The following SUGCT variants were observed in gnomAD, a reference collection of about 807,000 sequenced individuals.
SUGCT encodes the protein succinyl-CoA:glutarate CoA-transferase.
In SUGCT, 41 loss-of-function variants were observed where a neutral mutation model predicts 55.0. The observed-to-expected ratio is 0.74, with a 90% CI of 0.58 to 0.97. The LOEUF (loss-of-function observed/expected upper bound fraction) is 0.97. Among genes scored for constraint, SUGCT ranks in the 50% least tolerant of loss-of-function variants. The probability of loss-of-function intolerance (pLI) is 0.00; values close to 1 mark genes in which losing one functional copy is unlikely to be tolerated. For synonymous variants in SUGCT, 187 were observed against 200.4 expected (o/e 0.93, Z 0.56); for missense variants, 568 against 547.8 (o/e 1.04, Z -0.37).
chr7:40,668,969 A>G (rs1329772829), intron 12 of SUGCT, among the ~76,000 whole-genome samples: 1 of 152,150 alleles, frequency 6.6e-6, no homozygotes, highest in East Asian at 1.9e-4. Context: ...CAAATAAAGA[A>G]CTAGGACTTT....
intron 6 of SUGCT, among the ~76,000 whole-genome samples, chr7:40,206,517 A>G (rs763652964): frequency 6.6e-6 from 1 of 152,210 alleles, no homozygotes; most frequent in Non-Finnish European, 1.5e-5. Context: ...TGTAAAGAAT[A>G]TATTATGCAC....
At chr7:40,526,205 T>C (rs1454484526) in intron 12 of SUGCT, among the ~76,000 whole-genome samples, 5 of 152,186 alleles carry the variant, frequency 3.3e-5, no homozygotes, top group Non-Finnish European at 7.4e-5. Flanking sequence ...GCATTGTTTT[T>C]TCTTTGTTAA....
intron 9 of SUGCT, among the ~76,000 whole-genome samples, chr7:40,443,390 T>C (rs1487735821): frequency 3.9e-5 from 6 of 152,192 alleles, no homozygotes; most frequent in African/African-American, 1.4e-4. Context: ...ACCTGTTGTT[T>C]CCTAACTTTT....
intron 12 of SUGCT, among the ~76,000 whole-genome samples, chr7:40,635,850 A>G (rs1799999803): frequency 6.6e-6 from 1 of 152,180 alleles, no homozygotes; most frequent in South Asian, 2.1e-4. Context: ...ATGATTCAAG[A>G]CTGTTGATTC....
chr7:40,787,229 C>T (rs1014166301), intron 13 of SUGCT, among the ~76,000 whole-genome samples: 2 of 152,114 alleles, frequency 1.3e-5, no homozygotes, highest in East Asian at 3.9e-4. Flanking sequence ...AAAATCTGTT[C>T]AAAATCACCA....
At chr7:40,896,001 A>G in the SUGCT span, among the ~76,000 whole-genome samples, 1 of 152,236 alleles carries the variant, frequency 6.6e-6, no homozygotes, top group Non-Finnish European at 1.5e-5. Context: ...CCCTAGCCAG[A>G]GCAATTAGAT....
the SUGCT span, among the ~76,000 whole-genome samples, chr7:40,954,599 CT>C: frequency 2.0e-5 from 3 of 152,130 alleles, no homozygotes; most frequent in South Asian, 2.1e-4. Context: ...GGAACTGCCC[CT>C]GATGATAGTT....
intron 11 of SUGCT, among the ~76,000 whole-genome samples, chr7:40,480,087 T>C (rs1790938852): frequency 6.6e-6 from 1 of 152,118 alleles, no homozygotes. Context: ...TCTAAAAAAT[T>C]GTTTCTCAGG....
At chr7:40,902,592 A>AG in the SUGCT span, among the ~76,000 whole-genome samples, 3 of 151,296 alleles carry the variant, frequency 2.0e-5, no homozygotes, top group Non-Finnish European at 4.4e-5. Flanking sequence ...AAAAAAAAAA[A>AG]AGAGAAAAAA....
chr7:40,295,437 A>G (rs1794069253), intron 8 of SUGCT, among the ~76,000 whole-genome samples: 1 of 152,016 alleles, frequency 6.6e-6, no homozygotes, highest in Non-Finnish European at 1.5e-5. Flanking sequence ...TTAGCTGGGC[A>G]TGGTGGCGCA....
At chr7:40,425,552 A>T (rs1263464820) in intron 9 of SUGCT, among the ~76,000 whole-genome samples, 1 of 152,148 alleles carries the variant, frequency 6.6e-6, no homozygotes, top group Non-Finnish European at 1.5e-5. Context: ...CCTGTTTCAG[A>T]CACAATTAAG....
chr7:40,355,240 T>C (rs1040924170), intron 9 of SUGCT, among the ~76,000 whole-genome samples: 1 of 152,192 alleles, frequency 6.6e-6, no homozygotes, highest in Non-Finnish European at 1.5e-5. Context: ...GGGTTAGGTG[T>C]CCACTCCCTT....
intron 12 of SUGCT, among the ~76,000 whole-genome samples, chr7:40,666,355 AAAGGAAGGAAGGAAGGAAGG>A (rs775565696): frequency 8.2e-6 from 1 of 121,812 alleles, no homozygotes; most frequent in Admixed American, 8.5e-5. Context: ...CTCAAGAAAG[AAAGGAAGGAAGGAAGGAAGG>A]AAGGAAGGAA....
At chr7:40,770,310 AT>A (rs1318533652) in intron 13 of SUGCT, among the ~76,000 whole-genome samples, 1 of 152,140 alleles carries the variant, frequency 6.6e-6, no homozygotes, top group Non-Finnish European at 1.5e-5. Flanking sequence ...CCTCTCTCCC[AT>A]GATAGTCTGG....
chr7:40,479,557 A>G (rs1278774226), intron 11 of SUGCT, among the ~76,000 whole-genome samples: 3 of 152,126 alleles, frequency 2.0e-5, no homozygotes, highest in Admixed American at 6.6e-5. Flanking sequence ...TAGAAGTGAG[A>G]TGGCTGAATT....
intron 8 of SUGCT, among the ~76,000 whole-genome samples, chr7:40,298,396 G>C (rs1365241725): frequency 6.6e-6 from 1 of 152,126 alleles, no homozygotes; most frequent in Non-Finnish European, 1.5e-5. Flanking sequence ...CCATTGATGG[G>C]AACTGTTTTA....
chr7:40,413,212 G>A (rs928339488), intron 9 of SUGCT, among the ~76,000 whole-genome samples: 10 of 152,240 alleles, frequency 6.6e-5, no homozygotes, highest in African/African-American at 2.4e-4. Context: ...ATCTAGGCTG[G>A]AAGATTTCCT....
chr7:40,590,405 C>T (rs1334149311), intron 12 of SUGCT, among the ~76,000 whole-genome samples: 2 of 152,062 alleles, frequency 1.3e-5, no homozygotes, highest in African/African-American at 4.8e-5. Flanking sequence ...CCAGTATGGG[C>T]CAAAACATAG....
At chr7:40,850,732 C>T (rs1371846731) in intron 13 of SUGCT, among the ~76,000 whole-genome samples, 1 of 152,188 alleles carries the variant, frequency 6.6e-6, no homozygotes, top group East Asian at 1.9e-4. Context: ...CCTTCCTTTT[C>T]CCTTCACTTT....
Sources: allele counts gnomAD v4.1 joint callset (sites outside exome capture counted in the v4.1 genomes callset), GRCh38; gene constraint gnomAD v4.1.1; transcripts MANE v1.5; gene names NCBI Gene and HGNC (gene_info 2026-07-23, HGNC 2026-07-21).